The following EMC2 variants were observed in gnomAD, a reference collection of about 807,000 sequenced individuals.
EMC2 encodes ER membrane protein complex subunit 2.
In EMC2, 37 loss-of-function variants were observed where a neutral mutation model predicts 51.6. The observed-to-expected ratio is 0.72, with a 90% CI of 0.55 to 0.94. The LOEUF (loss-of-function observed/expected upper bound fraction) is 0.94. Among genes scored for constraint, EMC2 ranks in the 40% least tolerant of loss-of-function variants. The probability of loss-of-function intolerance (pLI) is 0.00; values close to 1 mark genes in which losing one functional copy is unlikely to be tolerated. For missense variants in EMC2, 359 were observed against 350.9 expected (o/e 1.02, Z -0.18); for synonymous variants, 131 against 112.4 (o/e 1.17, Z -1.04).
chr8:108,467,996 T>G (rs916397556), intron 5 of EMC2, among the ~76,000 whole-genome samples: 4 of 152,326 alleles, frequency 2.6e-5, no homozygotes, highest in Admixed American at 1.3e-4. Flanking sequence ...TTTGTAGAGG[T>G]TAAAACTAGT....
At chr8:108,462,573 T>C (rs897767150) in intron 5 of EMC2, among the ~76,000 whole-genome samples, 8 of 152,190 alleles carry the variant, frequency 5.3e-5, no homozygotes, top group African/African-American at 1.9e-4. Flanking sequence ...AAAGGCTTTT[T>C]ATTCATCTGT....
At chr8:108,461,294 T>A (rs1447167752) in intron 5 of EMC2, among the ~76,000 whole-genome samples, 1 of 152,250 alleles carries the variant, frequency 6.6e-6, no homozygotes, top group Admixed American at 6.5e-5. Flanking sequence ...TACTTCCTAT[T>A]CACATGCATT....
intron 10 of EMC2, among the ~76,000 whole-genome samples, chr8:108,480,861 A>T (rs1811032781): frequency 6.6e-6 from 1 of 152,198 alleles, no homozygotes; most frequent in African/African-American, 2.4e-5. Context: ...AGACTTGTCT[A>T]ATCTCACATT....
At chr8:108,485,898 G>T (rs1361874365) in intron 10 of EMC2, among the ~76,000 whole-genome samples, 2 of 151,534 alleles carry the variant, frequency 1.3e-5, no homozygotes, top group Non-Finnish European at 3.0e-5. Context: ...AAGTAGAAAT[G>T]CATATTTTAA....
chr8:108,486,161 C>T (rs137950567), intron 10 of EMC2, among the ~76,000 whole-genome samples: 5 of 151,724 alleles, frequency 3.3e-5, no homozygotes, highest in Non-Finnish European at 7.4e-5. Flanking sequence ...TGCTACACTA[C>T]ATAAATATAA....
chr8:108,482,120 G>A (rs1321957620), intron 10 of EMC2, among the ~76,000 whole-genome samples: 2 of 152,060 alleles, frequency 1.3e-5, no homozygotes, highest in East Asian at 1.9e-4. Context: ...TCCCACCAGC[G>A]GTAAGAGTTC....
At position 108,475,909 on chromosome 8, in the gene EMC2, G is replaced by A; in HGVS notation, c.537G>A (p.Glu179=). ...ATGCAAAAGCAGCCTTTTGTTTAGA[G>A]GAACTAATGATGACTAATCCACACA... is the stretch of plus-strand genomic sequence containing the variant. ...HDYAKAAFCL[E]ELMMTNPHNH... is the part of the protein sequence containing the mutation. Residue 179 remains glutamate (E), a synonymous_variant, in exon 8 of 11, where the codon GAG becomes GAA. Coordinates refer to ENST00000220853, the MANE Select transcript of EMC2 (RefSeq NM_014673.5). 1 of 1,600,554 alleles carries A rather than the reference G, an allele frequency of 6.2e-7. No homozygotes were observed. The highest frequency in any genetic ancestry group is 1.1e-5 in the South Asian group (1 of 89,234).
At position 108,486,713 on chromosome 8, in the gene EMC2, A is replaced by G; in HGVS notation, c.*115A>G. 9.2e-7 allele frequency: 1 copy of G among 1,082,178 alleles called. No individual in the cohort carries two copies. Among genetic ancestry groups the G allele is most frequent in the Non-Finnish European group, 1.3e-6 (1 of 793,942 alleles). The allele number at this position is 1,082,178 out of a possible 1,614,324, so 67.0% of individuals were successfully genotyped here. On this transcript the variant is annotated 3_prime_UTR_variant, in exon 11 of 11. Transcript: ENST00000220853. ...TATATACTACAGTAATTTTCTGTTA[A>G]GAAGGCAGTTGTAAAGAATGTGTTT...
chr8:108,469,930 G>T lies in EMC2; in HGVS notation c.449+19G>T. ...TGGAACAGTGAGTATTTTACAAGAG[G>T]ATTGTGTTTTGTTATTCTGATAAAT... is the stretch of plus-strand genomic sequence containing the variant. On this transcript the variant is annotated intron_variant, in intron 6 of 10. Coordinates refer to ENST00000220853, the MANE Select transcript of EMC2 (RefSeq NM_014673.5). 4 of 1,591,394 alleles carry T rather than the reference G, an allele frequency of 2.5e-6. No individual in the cohort carries two copies. The highest frequency in any genetic ancestry group is 2.2e-5 in the South Asian group (2 of 90,360).
chr8:108,449,986 CTT>C (rs35895559), intron 2 of EMC2, 50 bp downstream of exon 2: 2,236 of 483,802 alleles, frequency 4.6e-3, no homozygotes, highest in South Asian at 7.4e-3. Flanking sequence ...ATTCATGGGC[CTT>C]TTTTTTTTTT....
chr8:108,476,908 T>A lies in EMC2; in HGVS notation c.702+16T>A. On this transcript the variant is annotated intron_variant, in intron 9 of 10. Coordinates refer to ENST00000220853, the MANE Select transcript of EMC2 (RefSeq NM_014673.5). ...ACTTTATATGGTGAGTTGAGGTGCA[T>A]GTTTAATGTTATTTTTAAAAATCTG... is the stretch of plus-strand genomic sequence containing the variant. The A allele has an allele frequency of 1.7e-6, 2 of 1,143,158 alleles. No homozygotes were observed. The highest frequency in any genetic ancestry group is 2.5e-5 in the South Asian group (2 of 80,624). 70.8% of individuals were successfully genotyped at this position (1,143,158 alleles called of 1,614,324 possible).
chr8:108,452,395 C>T (rs1243488253), intron 3 of EMC2, among the ~76,000 whole-genome samples: 16 of 151,996 alleles, frequency 1.1e-4, no homozygotes, highest in Admixed American at 4.6e-4. Context: ...GTTGAAACCC[C>T]GTCTCTACTA....
chr8:108,449,733 AT>A, intron 1 of EMC2, 89 bp from the exon 2 acceptor site: 1 of 586,570 alleles, frequency 1.7e-6, no homozygotes, highest in South Asian at 2.3e-5. Flanking sequence ...TAAAAAGCTG[AT>A]TTTGTCTTGT....
At chr8:108,486,398 C>T in intron 10 of EMC2, 114 bp from the exon 11 acceptor site, 2 of 1,320,182 alleles carry the variant, frequency 1.5e-6, no homozygotes, top group South Asian at 1.9e-5. Flanking sequence ...ATTTGATTTC[C>T]TACTAGTGAT....
intron 5 of EMC2, among the ~76,000 whole-genome samples, chr8:108,462,746 T>C (rs1377521889): frequency 6.6e-6 from 1 of 151,868 alleles, no homozygotes; most frequent in Non-Finnish European, 1.5e-5. Flanking sequence ...AATATTGTTT[T>C]TTTTTTTTGA....
At chr8:108,459,721 A>AGAGAGAGAGAGTGTGTGTGTGTGT in intron 5 of EMC2, among the ~76,000 whole-genome samples, 1 of 136,966 alleles carries the variant, frequency 7.3e-6, no homozygotes, top group African/African-American at 3.0e-5. Flanking sequence ...AGAGAGAGAG[A>AGAGAGAGAGAGTGTGTGTGTGTGT]GTGTGTGTGT....
intron 5 of EMC2, among the ~76,000 whole-genome samples, chr8:108,464,905 A>T (rs1000412524): frequency 1.3e-5 from 2 of 152,136 alleles, no homozygotes; most frequent in Admixed American, 1.3e-4. Flanking sequence ...TCTAGGTATA[A>T]ACCTTGGGGG....
chr8:108,458,902 C>T (rs1347971689), intron 5 of EMC2, among the ~76,000 whole-genome samples: 3 of 152,122 alleles, frequency 2.0e-5, no homozygotes, highest in East Asian at 3.8e-4. Flanking sequence ...TCTGAACTTG[C>T]CCTGTTTCCC....
At chr8:108,475,499 T>G (rs545595965) in intron 7 of EMC2, 1 of 157,846 alleles carries the variant, frequency 6.3e-6, no homozygotes, top group Admixed American at 6.5e-5. Flanking sequence ...CCTTACACAT[T>G]AGCTGTTTGA....
Sources: allele counts gnomAD v4.1 joint callset (sites outside exome capture counted in the v4.1 genomes callset), GRCh38; gene constraint gnomAD v4.1.1; transcripts MANE v1.5; gene names NCBI Gene and HGNC (gene_info 2026-07-23, HGNC 2026-07-21).